The following TRAPPC9 variants were observed in gnomAD, a reference collection of about 807,000 sequenced individuals.
TRAPPC9 encodes the protein IKK2 binding protein.
Under a neutral mutation model 124.0 loss-of-function variants are expected in TRAPPC9, and 83 were observed. The ratio of observed to expected loss-of-function variants is 0.67; its 90% CI spans 0.56 to 0.80. The LOEUF is 0.80. Ranked by LOEUF, TRAPPC9 falls within the 30% of genes least tolerant of loss-of-function variation. TRAPPC9 has a pLI of 0.00. For missense variants in TRAPPC9, 1,302 were observed against 1,508.3 expected (o/e 0.86, Z 2.27); for synonymous variants, 638 against 617.5 (o/e 1.03, Z -0.49).
chr8:139,915,452 G>T (rs973025306), intron 19 of TRAPPC9, among the ~76,000 whole-genome samples: 2 of 152,116 alleles, frequency 1.3e-5, no homozygotes, highest in Non-Finnish European at 2.9e-5. Flanking sequence ...TCACCATGTT[G>T]CCCAGGCTGG....
intron 17 of TRAPPC9, among the ~76,000 whole-genome samples, chr8:140,187,130 T>G (rs923873747): frequency 1.3e-5 from 2 of 152,236 alleles, no homozygotes; most frequent in African/African-American, 4.8e-5. Flanking sequence ...TACATAGGTT[T>G]GACCTGTGCA....
chr8:140,249,597 C>CTTTTTTTTT (rs35511380), intron 16 of TRAPPC9, among the ~76,000 whole-genome samples: 10 of 81,988 alleles, frequency 1.2e-4, no homozygotes, highest in Admixed American at 3.4e-4. Flanking sequence ...ATCTTTCACT[C>CTTTTTTTTT]TTTTTTTTTT....
At chr8:140,072,497 G>A (rs147921311) in intron 17 of TRAPPC9, among the ~76,000 whole-genome samples, 3,782 of 149,694 alleles carry the variant, frequency 0.025, 148 homozygotes, top group African/African-American at 0.088. Context: ...CAGTCTGGGC[G>A]ACAGAGCGAG....
intron 2 of TRAPPC9, among the ~76,000 whole-genome samples, chr8:140,443,501 T>G (rs1381543790): frequency 6.6e-6 from 1 of 151,784 alleles, no homozygotes; most frequent in Non-Finnish European, 1.5e-5. Flanking sequence ...TGCACTACAA[T>G]GTTTTGGGGT....
chr8:139,783,423 T>C (rs2130541367), intron 21 of TRAPPC9, among the ~76,000 whole-genome samples: 1 of 152,286 alleles, frequency 6.6e-6, no homozygotes. Context: ...TTTGACAACA[T>C]AGATAAAATG....
intron 9 of TRAPPC9, among the ~76,000 whole-genome samples, chr8:140,323,468 A>G (rs574563790): frequency 1.4e-4 from 21 of 152,238 alleles, no homozygotes; most frequent in African/African-American, 5.1e-4. Context: ...GTGGCGGGGA[A>G]CCGTCTCATG....
intron 11 of TRAPPC9, among the ~76,000 whole-genome samples, chr8:140,293,436 T>C (rs1238495744): frequency 1.3e-5 from 2 of 152,074 alleles, no homozygotes; most frequent in East Asian, 1.9e-4. Context: ...TGCAGCACTA[T>C]TCACAATAGC....
intron 1 of TRAPPC9, among the ~76,000 whole-genome samples, chr8:140,457,011 T>G (rs1049965249): frequency 5.9e-5 from 9 of 152,134 alleles, no homozygotes; most frequent in Middle Eastern, 3.2e-3. Flanking sequence ...CTGGGATAAG[T>G]TGGAGTTGAC....
chr8:139,988,638 TG>T, intron 19 of TRAPPC9, 87 bp downstream of exon 19: 1 of 857,886 alleles, frequency 1.2e-6, no homozygotes, highest in East Asian at 2.6e-5. Context: ...TCTGAGGACT[TG>T]GGGTGGATTA....
chr8:140,453,288 CT>C lies in TRAPPC9; in HGVS notation c.-10-1906del, dbSNP rs1588387062. 2.0e-5 allele frequency among the ~76,000 whole-genome samples: 3 copies of C among 152,228 alleles called. No homozygotes were observed. In the East Asian group the frequency reaches 5.8e-4, roughly 29 times the overall value. Reference sequence around the variant, plus strand: ...TCAGCTTCAGGCCCCTTCCATGGCCCTCTATCTAATTTTGCATTTTTAATTT... The same window carrying C: ...TCAGCTTCAGGCCCCTTCCATGGCCCCTATCTAATTTTGCATTTTTAATTT... On this transcript the variant is annotated intron_variant, in intron 1 of 22. Transcript: ENST00000438773.
At chr8:140,290,848 T>C in intron 12 of TRAPPC9, 145 bp downstream of exon 12, 2 of 716,528 alleles carry the variant, frequency 2.8e-6, no homozygotes, top group South Asian at 3.1e-5. Context: ...TGGTCTTCAT[T>C]TACAATAAGC....
intron 17 of TRAPPC9, among the ~76,000 whole-genome samples, chr8:140,123,637 C>T (rs956362248): frequency 6.6e-6 from 1 of 152,250 alleles, no homozygotes; most frequent in Non-Finnish European, 1.5e-5. Flanking sequence ...CCATGTACTT[C>T]TCGCACATCA....
At chr8:140,121,402 T>C (rs902645810) in intron 17 of TRAPPC9, among the ~76,000 whole-genome samples, 5 of 152,128 alleles carry the variant, frequency 3.3e-5, no homozygotes, top group Admixed American at 2.0e-4. Flanking sequence ...TCTAAGGAGT[T>C]TGAGTTTTAT....
chr8:140,276,161 T>G (rs1408906842), intron 14 of TRAPPC9, among the ~76,000 whole-genome samples: 2 of 152,198 alleles, frequency 1.3e-5, no homozygotes, highest in Non-Finnish European at 2.9e-5. Flanking sequence ...TTCATTCAAA[T>G]AAACCATGAG....
At chr8:140,443,846 G>A (rs916241774) in intron 2 of TRAPPC9, among the ~76,000 whole-genome samples, 26 of 151,600 alleles carry the variant, frequency 1.7e-4, no homozygotes, top group African/African-American at 6.3e-4. Context: ...AGACCAGCCT[G>A]GCCAACATGG....
At chr8:140,371,904 T>C (rs752351838) in intron 7 of TRAPPC9, among the ~76,000 whole-genome samples, 1 of 152,200 alleles carries the variant, frequency 6.6e-6, no homozygotes, top group Non-Finnish European at 1.5e-5. Flanking sequence ...GATTTCACCA[T>C]GTTAACCAGG....
chr8:139,874,967 A>G (rs1258017584), intron 21 of TRAPPC9, among the ~76,000 whole-genome samples: 1 of 152,180 alleles, frequency 6.6e-6, no homozygotes, highest in African/African-American at 2.4e-5. Context: ...TGCTTACCCC[A>G]CTGGGGCATT....
At chr8:139,939,048 G>A (rs1291948581) in intron 19 of TRAPPC9, among the ~76,000 whole-genome samples, 1 of 152,214 alleles carries the variant, frequency 6.6e-6, no homozygotes, top group Non-Finnish European at 1.5e-5. Context: ...TGACAGACAG[G>A]AGGGAATGCC....
intron 17 of TRAPPC9, among the ~76,000 whole-genome samples, chr8:140,190,570 C>T (rs2062468358): frequency 6.6e-6 from 1 of 152,290 alleles, no homozygotes; most frequent in African/African-American, 2.4e-5. Flanking sequence ...CCCAACCGCC[C>T]AGGTACACCC....
Sources: allele counts gnomAD v4.1 joint callset (sites outside exome capture counted in the v4.1 genomes callset), GRCh38; gene constraint gnomAD v4.1.1; transcripts MANE v1.5; gene names NCBI Gene and HGNC (gene_info 2026-07-23, HGNC 2026-07-21).